Variants in UMAD1 observed in about 807,000 individuals in gnomAD.
The protein encoded by UMAD1 is UBAP1-MVB12-associated (UMA)-domain containing protein 1.
In UMAD1, 8 loss-of-function variants were observed where a neutral mutation model predicts 6.1. That is an observed-to-expected ratio of 1.30 (90% CI 0.76 to 2.35). The LOEUF (loss-of-function observed/expected upper bound fraction) is 2.35. UMAD1 is among the 30% of genes most tolerant of loss of function. The pLI is 0.00. For missense variants in UMAD1, 130 were observed against 78.4 expected (o/e 1.66, Z -2.49); for synonymous variants, 56 against 31.4 (o/e 1.78, Z -2.61).
chr7:7,707,609 CAA>C (rs1273779829), intron 2 of UMAD1, among the ~76,000 whole-genome samples: 3 of 152,088 alleles, frequency 2.0e-5, no homozygotes, highest in African/African-American at 7.2e-5. Flanking sequence ...ATAAAGCTAA[CAA>C]ATAATAAAAG....
At chr7:7,802,358 C>T in intron 3 of UMAD1, among the ~76,000 whole-genome samples, 1 of 144,996 alleles carries the variant, frequency 6.9e-6, no homozygotes, top group African/African-American at 2.6e-5. Flanking sequence ...TGCCTGGCGA[C>T]AGAGCGAGAC....
rs1324769362 is a variant in UMAD1, at chr7:7,878,391, C to G, written c.*853C>G. 2 of 152,122 alleles carry G rather than the reference C, an allele frequency of 1.3e-5. No individual in the cohort carries two copies. The highest frequency in any genetic ancestry group is 4.8e-5 in the African/African-American group (2 of 41,408). 9.4% of individuals were successfully genotyped at this position (152,122 alleles called of 1,614,324 possible). On this transcript the variant is annotated 3_prime_UTR_variant, in exon 4 of 4. Transcript: ENST00000682710. The stretch of plus-strand genomic sequence containing the variant: ...TGATACATATTATTGCTGATAACAC[C>G]CTTATTTAGAAATTTGTTGGCCACA...
intron 3 of UMAD1, among the ~76,000 whole-genome samples, chr7:7,836,573 T>C (rs1328602001): frequency 6.6e-6 from 1 of 151,952 alleles, no homozygotes; most frequent in Admixed American, 6.6e-5. Flanking sequence ...TCTCAGATAT[T>C]GGTATATCTC....
chr7:7,823,518 C>G (rs769434272), intron 3 of UMAD1, among the ~76,000 whole-genome samples: 1 of 151,996 alleles, frequency 6.6e-6, no homozygotes, highest in Non-Finnish European at 1.5e-5. Flanking sequence ...CTCCGTTTGC[C>G]CAATTTTTTT....
rs549319258 is a variant in UMAD1, at chr7:7,788,986, T to A, written c.83-12684T>A. 1.6e-3 allele frequency among the ~76,000 whole-genome samples: 247 copies of A among 152,330 alleles called. 2 individuals carry two copies. Among genetic ancestry groups the A allele is most frequent in the African/African-American group, 5.4e-3 (226 of 41,558 alleles). On this transcript the variant is annotated intron_variant, in intron 2 of 3. Coordinates refer to ENST00000682710, the MANE Select transcript of UMAD1 (RefSeq NM_001302348.2). ...TTAAATTTCTTCATTTACTTAAAAATTTCTATTTTTGTAACTAGCAGTTTA... is the reference window on the plus strand; with the variant it reads ...TTAAATTTCTTCATTTACTTAAAAAATTCTATTTTTGTAACTAGCAGTTTA...
chr7:7,794,743 A>G (rs1473088657), intron 2 of UMAD1, among the ~76,000 whole-genome samples: 1 of 152,208 alleles, frequency 6.6e-6, no homozygotes, highest in Non-Finnish European at 1.5e-5. Flanking sequence ...ACATACGTTG[A>G]AATGGCCCTG....
intron 3 of UMAD1, among the ~76,000 whole-genome samples, chr7:7,855,839 G>A (rs989636875): frequency 6.6e-6 from 1 of 152,164 alleles, no homozygotes; most frequent in South Asian, 2.1e-4. Context: ...CCTCTTGAAT[G>A]CTTTGCTGCT....
intron 2 of UMAD1, among the ~76,000 whole-genome samples, chr7:7,796,244 CTTTTTTTTTTTTTTTT>C (rs59221325): frequency 1.6e-5 from 1 of 63,978 alleles, no homozygotes; most frequent in African/African-American, 9.8e-5. Context: ...TATTTTCTTT[CTTTTTTTTTTTTTTTT>C]TTTTTTTTGA....
chr7:7,738,142 A>T (rs1387385843), intron 2 of UMAD1, among the ~76,000 whole-genome samples: 2 of 152,234 alleles, frequency 1.3e-5, no homozygotes. Flanking sequence ...AACAGTAGTT[A>T]TTAAAAGAAT....
chr7:7,814,945 G>C (rs1287722538), intron 3 of UMAD1, among the ~76,000 whole-genome samples: 1 of 152,070 alleles, frequency 6.6e-6, no homozygotes, highest in Non-Finnish European at 1.5e-5. Context: ...TTCGGGCAGG[G>C]TGTACCGCAG....
chr7:7,785,365 C>T (rs1053866469), intron 2 of UMAD1, among the ~76,000 whole-genome samples: 6 of 152,028 alleles, frequency 3.9e-5, no homozygotes, highest in Admixed American at 2.6e-4. Flanking sequence ...CACACCTGAA[C>T]GGAAGCAGAT....
intron 3 of UMAD1, among the ~76,000 whole-genome samples, chr7:7,803,195 G>A (rs1462965696): frequency 6.6e-6 from 1 of 152,240 alleles, no homozygotes; most frequent in African/African-American, 2.4e-5. Flanking sequence ...ATTTGGTGAG[G>A]CTGGGCGTAG....
chr7:7,703,355 AGAG>A (rs1780516029), intron 2 of UMAD1, among the ~76,000 whole-genome samples: 1 of 152,218 alleles, frequency 6.6e-6, no homozygotes, highest in African/African-American at 2.4e-5. Context: ...AGACTGAAGA[AGAG>A]ATTTTCCATC....
intron 3 of UMAD1, among the ~76,000 whole-genome samples, chr7:7,867,396 G>A (rs1366484970): frequency 1.3e-5 from 2 of 152,104 alleles, no homozygotes; most frequent in African/African-American, 4.8e-5. Flanking sequence ...AGATTAGGAA[G>A]AGTAAAGGAA....
intron 1 of UMAD1, among the ~76,000 whole-genome samples, chr7:7,641,975 T>C (rs897000843): frequency 6.6e-6 from 1 of 152,238 alleles, no homozygotes; most frequent in Non-Finnish European, 1.5e-5. Flanking sequence ...TAAACAGATG[T>C]AGAATGTGTG....
At chr7:7,782,849 C>G (rs556785879) in intron 2 of UMAD1, among the ~76,000 whole-genome samples, 33 of 151,716 alleles carry the variant, frequency 2.2e-4, no homozygotes, top group Admixed American at 9.2e-4. Context: ...CCTGCCTCAG[C>G]CTCCCAAATA....
At position 7,861,629 on chromosome 7, in the gene UMAD1, T is replaced by C. The variant is rs144294295; in HGVS notation, c.157-15652T>C. Reference sequence around the variant, plus strand: ...TGTACTCAGTTTGGTATGACACATTTCCTTACTTTCATCTGTATATGAAAA... The same window carrying C: ...TGTACTCAGTTTGGTATGACACATTCCCTTACTTTCATCTGTATATGAAAA... On this transcript the variant is annotated intron_variant, in intron 3 of 3. Transcript: ENST00000682710. Among the ~76,000 whole-genome samples the C allele has an allele frequency of 1.7e-3, 255 of 152,334 alleles. 4 individuals are homozygous for C. The East Asian group carries it at 0.047, about 28-fold the overall frequency.
intron 3 of UMAD1, among the ~76,000 whole-genome samples, chr7:7,864,632 C>T (rs1272024125): frequency 1.3e-5 from 2 of 151,440 alleles, no homozygotes; most frequent in Admixed American, 6.6e-5. Context: ...CACACACACA[C>T]ACACACACAC....
At chr7:7,849,072 A>C (rs1783863899) in intron 3 of UMAD1, among the ~76,000 whole-genome samples, 1 of 152,156 alleles carries the variant, frequency 6.6e-6, no homozygotes, top group Non-Finnish European at 1.5e-5. Context: ...CTTGATGGAC[A>C]TGTTCAAATT....
Sources: gnomAD v4.1 joint callset for allele counts (sites outside exome capture counted in the v4.1 genomes callset) on GRCh38, gnomAD v4.1.1 for gene constraint, MANE v1.5 for transcripts, NCBI Gene and HGNC (gene_info 2026-07-23, HGNC 2026-07-21) for gene names.